EXOC6B: variants seen among roughly 807,000 people sequenced by gnomAD.
EXOC6B encodes the protein SEC15 homolog B.
A neutral mutation model predicts 113.5 loss-of-function variants in EXOC6B; 54 were observed. The observed-to-expected ratio is 0.48, with a 90% CI of 0.38 to 0.60. The LOEUF (loss-of-function observed/expected upper bound fraction) is 0.60. Among genes scored for constraint, EXOC6B ranks in the 20% least tolerant of loss-of-function variants. The probability of loss-of-function intolerance (pLI) is 0.00; values close to 1 mark genes in which losing one functional copy is unlikely to be tolerated. For synonymous variants in EXOC6B, 357 were observed against 339.0 expected, an observed-to-expected ratio of 1.05 and a Z score of -0.58; for missense variants, 797 against 977.5, an observed-to-expected ratio of 0.82 and a Z score of 2.46.
In EXOC6B at chr2:72,769,791, G is replaced by A. The variant is rs184918805; in HGVS notation, c.114-28322C>T. Among the ~76,000 whole-genome samples the A allele has an allele frequency of 8.3e-4, 127 of 152,162 alleles. 1 individual carries two copies. The highest frequency in any genetic ancestry group is 1.5e-3 in the Non-Finnish European group (105 of 68,010). On this transcript the variant is annotated intron_variant, in intron 1 of 21. Transcript: ENST00000272427. ...CGTGCCACTGCACTCCAGCCTGGGC[G>A]ACAGAGCAAGACTCCATCTCAAAAA...
chr2:72,224,982 ATG>A (rs200553877), intron 20 of EXOC6B, among the ~76,000 whole-genome samples: 2 of 137,064 alleles, frequency 1.5e-5, no homozygotes, highest in African/African-American at 2.6e-5. Context: ...CTCTCTCTGT[ATG>A]TGTGTGTGTG....
intron 20 of EXOC6B, among the ~76,000 whole-genome samples, chr2:72,291,720 G>A (rs780024470): frequency 1.3e-5 from 2 of 152,010 alleles, no homozygotes; most frequent in Non-Finnish European, 2.9e-5. Context: ...GAGAAAAGCT[G>A]GAATCAAGTC....
chr2:72,362,158 G>A (rs1234766084), intron 19 of EXOC6B, among the ~76,000 whole-genome samples: 1 of 152,144 alleles, frequency 6.6e-6, no homozygotes, highest in Non-Finnish European at 1.5e-5. Context: ...ATCAAGATCT[G>A]AGAGAATCTG....
chr2:72,634,021 C>T (rs539802120), intron 6 of EXOC6B, among the ~76,000 whole-genome samples: 1 of 151,472 alleles, frequency 6.6e-6, no homozygotes, highest in South Asian at 2.1e-4. Context: ...AAAATAAAAA[C>T]GATCCAGATG....
intron 6 of EXOC6B, among the ~76,000 whole-genome samples, chr2:72,706,235 A>G (rs1678865586): frequency 6.6e-6 from 1 of 152,336 alleles, no homozygotes; most frequent in African/African-American, 2.4e-5. Flanking sequence ...CTGGAGGAGA[A>G]TAATCACTTT....
intron 20 of EXOC6B, among the ~76,000 whole-genome samples, chr2:72,301,414 T>C (rs1241441141): frequency 6.6e-6 from 1 of 152,194 alleles, no homozygotes; most frequent in Non-Finnish European, 1.5e-5. Context: ...ATAGTTTCAG[T>C]AGGAATGTTA....
intron 18 of EXOC6B, among the ~76,000 whole-genome samples, chr2:72,400,074 T>C (rs1158301157): frequency 6.6e-6 from 1 of 151,974 alleles, no homozygotes; most frequent in Admixed American, 6.6e-5. Flanking sequence ...GGTACTGGTA[T>C]AAAAATAGCC....
At chr2:72,636,816 C>T (rs1340215960) in intron 6 of EXOC6B, among the ~76,000 whole-genome samples, 1 of 151,848 alleles carries the variant, frequency 6.6e-6, no homozygotes, top group Non-Finnish European at 1.5e-5. Context: ...ATTCTAGCCA[C>T]TGCAATGAGG....
chr2:72,592,960 C>T (rs1706066864), intron 6 of EXOC6B, among the ~76,000 whole-genome samples: 1 of 152,118 alleles, frequency 6.6e-6, no homozygotes, highest in Admixed American at 6.6e-5. Flanking sequence ...TTTTCAGCCC[C>T]ACCCCTTGAC....
chr2:72,683,988 A>G (rs151157808), intron 6 of EXOC6B, among the ~76,000 whole-genome samples: 2,499 of 152,194 alleles, frequency 0.016, 90 homozygotes, highest in African/African-American at 0.058. Context: ...CTGGAGTGCA[A>G]TGGCGCAATC....
chr2:72,756,757 T>C (rs1012085663), intron 1 of EXOC6B, among the ~76,000 whole-genome samples: 1 of 151,978 alleles, frequency 6.6e-6, no homozygotes, highest in Non-Finnish European at 1.5e-5. Flanking sequence ...TGCCAGTACA[T>C]AGAAGCATTT....
chr2:72,295,854 A>C (rs974637235), intron 20 of EXOC6B, among the ~76,000 whole-genome samples: 1 of 152,222 alleles, frequency 6.6e-6, no homozygotes, highest in Non-Finnish European at 1.5e-5. Flanking sequence ...AAAATTAAGA[A>C]GAGAAAAACA....
intron 20 of EXOC6B, among the ~76,000 whole-genome samples, chr2:72,192,539 G>A (rs1422722312): frequency 6.6e-6 from 1 of 152,168 alleles, no homozygotes; most frequent in Non-Finnish European, 1.5e-5. Flanking sequence ...TTGGTGACAT[G>A]TGGGCTGGGT....
chr2:72,237,069 T>C (rs1039866086), intron 20 of EXOC6B, among the ~76,000 whole-genome samples: 5 of 152,162 alleles, frequency 3.3e-5, no homozygotes, highest in South Asian at 2.1e-4. Context: ...TAGTGGTCCA[T>C]GGAAAACAGA....
At chr2:72,304,075 G>C (rs1002897883) in intron 20 of EXOC6B, among the ~76,000 whole-genome samples, 1 of 152,196 alleles carries the variant, frequency 6.6e-6, no homozygotes. Flanking sequence ...ACTCCCAGGT[G>C]GGCGTTTATC....
intron 20 of EXOC6B, among the ~76,000 whole-genome samples, chr2:72,265,604 T>G (rs1444232852): frequency 6.6e-6 from 1 of 151,848 alleles, no homozygotes; most frequent in Non-Finnish European, 1.5e-5. Context: ...TATGGCTGCA[T>G]AGTATTCCAT....
intron 20 of EXOC6B, among the ~76,000 whole-genome samples, chr2:72,315,306 T>C (rs557316973): frequency 4.6e-5 from 7 of 152,048 alleles, no homozygotes; most frequent in African/African-American, 1.4e-4. Context: ...ACAGAGTAAC[T>C]GAGGAAAAAG....
At chr2:72,285,214 A>T (rs1055801083) in intron 20 of EXOC6B, among the ~76,000 whole-genome samples, 1 of 152,136 alleles carries the variant, frequency 6.6e-6, no homozygotes, top group African/African-American at 2.4e-5. Flanking sequence ...TCAGACTTCA[A>T]GACTTACTAT....
At chr2:72,489,221 T>C (rs1699602866) in intron 16 of EXOC6B, among the ~76,000 whole-genome samples, 1 of 152,194 alleles carries the variant, frequency 6.6e-6, no homozygotes, top group East Asian at 1.9e-4. Context: ...ACTACAAAAT[T>C]GACTTAATTA....
Sources: gnomAD v4.1 joint callset for allele counts (sites outside exome capture counted in the v4.1 genomes callset) on GRCh38, gnomAD v4.1.1 for gene constraint, MANE v1.5 for transcripts, NCBI Gene and HGNC (gene_info 2026-07-23, HGNC 2026-07-21) for gene names.